Variants in HMG20A observed in about 807,000 individuals in gnomAD.
HMG20A encodes high mobility group 20A.
HMG20A carries 17 observed loss-of-function variants against 43.9 expected under a neutral mutation model. That is an observed-to-expected ratio of 0.39 (90% CI 0.27 to 0.58). The LOEUF is 0.58. Ranked by LOEUF, HMG20A falls within the 20% of genes least tolerant of loss-of-function variation. The probability of loss-of-function intolerance (pLI) is 0.59; values close to 1 mark genes in which losing one functional copy is unlikely to be tolerated. For missense variants in HMG20A, 341 were observed against 438.2 expected, an observed-to-expected ratio of 0.78 and a Z score of 1.98; for synonymous variants, 132 against 147.5, an observed-to-expected ratio of 0.89 and a Z score of 0.76.
chr15:77,505,371 C>T, the HMG20A span, among the ~76,000 whole-genome samples: 1 of 152,244 alleles, frequency 6.6e-6, no homozygotes, highest in Non-Finnish European at 1.5e-5. Flanking sequence ...ACATCTTCTT[C>T]AGTCAGGGGA....
At position 77,479,306 on chromosome 15, in the gene HMG20A, C is replaced by T. The variant is rs1169585247; in HGVS notation, c.1035C>T (p.Leu345=). ...CAGTTCGAGAAGTTGTGAACAGACT[C>T]GATCGTTAGGGAATGGTGAGTGCTC... ...IATVREVVNR[L]DR is the part of the protein sequence containing the mutation. Residue 345 remains leucine (L), a synonymous_variant, in exon 9 of 10, where the codon CTC becomes CTT. Transcript: ENST00000336216. 2.5e-6 allele frequency: 4 copies of T among 1,613,758 alleles called. No individual in the cohort carries two copies. Among genetic ancestry groups the T allele is most frequent in the East Asian group, 2.2e-5 (1 of 44,870 alleles).
chr15:77,516,936 G>A, the HMG20A span, among the ~76,000 whole-genome samples: 1 of 152,172 alleles, frequency 6.6e-6, no homozygotes, highest in Non-Finnish European at 1.5e-5. Context: ...AGGCTGCTGT[G>A]ATAGGCCGAT....
At chr15:77,515,247 G>C in the HMG20A span, among the ~76,000 whole-genome samples, 1 of 152,178 alleles carries the variant, frequency 6.6e-6, no homozygotes, top group East Asian at 1.9e-4. Flanking sequence ...CTGTGGAAAA[G>C]GGGGAGTGTA....
At position 77,483,515 on chromosome 15, in the gene HMG20A, C is replaced by G. The variant is rs1339457486; in HGVS notation, c.*552C>G. On this transcript the variant is annotated 3_prime_UTR_variant, in exon 10 of 10. Coordinates refer to ENST00000336216, the MANE Select transcript of HMG20A (RefSeq NM_001304504.2). ...GGAGAGTTTCTTGCATTGGACAGGC[C>G]CAGTCTTCTCCCATCATTGCCCTGC... The G allele has an allele frequency of 6.6e-6, 1 of 152,668 alleles. No individual in the cohort carries two copies. The highest frequency in any genetic ancestry group is 2.4e-5 in the African/African-American group (1 of 41,426). The allele number at this position is 152,668 out of a possible 1,614,324, so 9.5% of individuals were successfully genotyped here. A position where few individuals can be genotyped will look rare whatever the true frequency, so the allele number is the denominator to read the frequency against.
At chr15:77,497,690 T>A in the HMG20A span, among the ~76,000 whole-genome samples, 1,372 of 141,858 alleles carry the variant, frequency 9.7e-3, 9 homozygotes, top group African/African-American at 0.034. Flanking sequence ...AGAGTGTGTG[T>A]GTGTGTGTGT....
the HMG20A span, among the ~76,000 whole-genome samples, chr15:77,493,203 A>G: frequency 6.6e-6 from 1 of 152,166 alleles, no homozygotes; most frequent in African/African-American, 2.4e-5. Flanking sequence ...CAAATGCAGG[A>G]AAAGAGTAGT....
At chr15:77,480,988 A>G (rs1415422318) in intron 9 of HMG20A, among the ~76,000 whole-genome samples, 1 of 152,196 alleles carries the variant, frequency 6.6e-6, no homozygotes, top group African/African-American at 2.4e-5. Context: ...ACAGCAGGAT[A>G]TGTTCCTTAG....
chr15:77,424,994 T>A (rs1217321139), intron 1 of HMG20A, among the ~76,000 whole-genome samples: 1 of 151,958 alleles, frequency 6.6e-6, no homozygotes, highest in African/African-American at 2.4e-5. Flanking sequence ...GCATTAATAT[T>A]TTTTTTTGCT....
chr15:77,464,620 A>G (rs1382923895), intron 3 of HMG20A: 1 of 362,738 alleles, frequency 2.8e-6, no homozygotes, highest in African/African-American at 2.1e-5. Flanking sequence ...CTTACCTCAT[A>G]TTAGATGTTG....
At position 77,458,513 on chromosome 15, in the gene HMG20A, G is replaced by C. The variant is rs763622243; in HGVS notation, c.89+17G>C. On this transcript the variant is annotated intron_variant, in intron 2 of 9. Transcript: ENST00000336216. ...TACCACTGGGTAAGCAGCTGCTTTA[G>C]GACACTGGACTTCTCCATAGGCCTC... 1.9e-6 allele frequency: 3 copies of C among 1,542,184 alleles called. No individual in the cohort carries two copies. Among genetic ancestry groups the C allele is most frequent in the Non-Finnish European group, 2.7e-6 (3 of 1,115,838 alleles).
chr15:77,512,688 A>G, the HMG20A span, among the ~76,000 whole-genome samples: 1 of 152,182 alleles, frequency 6.6e-6, no homozygotes, highest in Non-Finnish European at 1.5e-5. Context: ...TTAGTCAAGA[A>G]TCATTAATGG....
intron 1 of HMG20A, among the ~76,000 whole-genome samples, chr15:77,447,344 C>T (rs542722549): frequency 1.3e-5 from 2 of 152,248 alleles, no homozygotes; most frequent in African/African-American, 2.4e-5. Flanking sequence ...ATTTTCCCTG[C>T]GTTATCACCG....
intron 7 of HMG20A, 27 bp from the exon 8 acceptor site, chr15:77,478,268 T>C (rs1292702612): frequency 6.2e-7 from 1 of 1,609,302 alleles, no homozygotes; most frequent in Non-Finnish European, 8.5e-7. Flanking sequence ...TAGTGCTGCA[T>C]GTGTTCTGTG....
At chr15:77,464,021 G>A (rs187371074) in intron 2 of HMG20A, among the ~76,000 whole-genome samples, 2 of 152,342 alleles carry the variant, frequency 1.3e-5, no homozygotes, top group Admixed American at 1.3e-4. Context: ...TTTTTGGTAG[G>A]AGATGTCTTC....
downstream of HMG20A, among the ~76,000 whole-genome samples, chr15:77,490,149 G>A (rs139724360): frequency 7.3e-3 from 1,111 of 152,154 alleles, 15 homozygotes; most frequent in African/African-American, 0.025. Flanking sequence ...TTAGCTGGAC[G>A]TGGTGGCGCG....
At chr15:77,447,961 T>C (rs2073693256) in intron 1 of HMG20A, 1 of 152,226 alleles carries the variant, frequency 6.6e-6, no homozygotes, top group Admixed American at 6.5e-5. Context: ...TCACCCTTTT[T>C]TACTAAACTG....
intron 3 of HMG20A, among the ~76,000 whole-genome samples, chr15:77,466,482 G>A (rs947120841): frequency 2.6e-5 from 4 of 152,186 alleles, no homozygotes; most frequent in Admixed American, 6.5e-5. Context: ...AAATTTTTCT[G>A]AGACTTAGAT....
At chr15:77,429,096 A>G (rs756217731) in intron 1 of HMG20A, among the ~76,000 whole-genome samples, 2 of 152,100 alleles carry the variant, frequency 1.3e-5, no homozygotes, top group African/African-American at 2.4e-5. Context: ...TAATCTCAAC[A>G]CTTTGGGAGG....
intron 1 of HMG20A, among the ~76,000 whole-genome samples, chr15:77,428,282 G>A (rs1302645274): frequency 6.6e-6 from 1 of 152,200 alleles, no homozygotes; most frequent in South Asian, 2.1e-4. Context: ...AAGGAGGAAG[G>A]CAGCTGTAGA....
Sources: gnomAD v4.1 joint callset for allele counts (sites outside exome capture counted in the v4.1 genomes callset) on GRCh38, gnomAD v4.1.1 for gene constraint, MANE v1.5 for transcripts, NCBI Gene and HGNC (gene_info 2026-07-23, HGNC 2026-07-21) for gene names.